MAPK8IP3: variants seen among roughly 807,000 people sequenced by gnomAD.
MAPK8IP3 encodes mitogen-activated protein kinase 8 interacting protein 3, also known as C-Jun-amino-terminal kinase-interacting protein 3.
A neutral mutation model predicts 157.8 loss-of-function variants in MAPK8IP3; 49 were observed. That is an observed-to-expected ratio of 0.31 (90% CI 0.25 to 0.39). The LOEUF is 0.39. Ranked by LOEUF, MAPK8IP3 falls within the 10% of genes least tolerant of loss-of-function variation. MAPK8IP3 has a pLI of 1.00. For synonymous variants in MAPK8IP3, 897 were observed against 777.7 expected (o/e 1.15, Z -2.55); for missense variants, 1,478 against 1,889.4 (o/e 0.78, Z 4.04).
At chr16:1,761,142 T>A in intron 12 of MAPK8IP3, 82 bp from the exon 13 acceptor site, 5 of 1,100,116 alleles carry the variant, frequency 4.5e-6, no homozygotes, top group South Asian at 2.5e-5. Flanking sequence ...AGGACACAGG[T>A]TCGGGGCGGG....
At chr16:1,736,071 C>T (rs1400366543) in intron 4 of MAPK8IP3, among the ~76,000 whole-genome samples, 1 of 93,556 alleles carries the variant, frequency 1.1e-5, no homozygotes, top group African/African-American at 4.8e-5. Flanking sequence ...TGTGTGTGAC[C>T]ATCCGTGTGA....
chr16:1,768,891 C>T lies in MAPK8IP3; in HGVS notation c.*67C>T, dbSNP rs1795367947. The T allele has an allele frequency of 5.7e-6, 9 of 1,574,716 alleles. No individual in the cohort carries two copies. Among genetic ancestry groups the T allele is most frequent in the Admixed American group, 3.4e-5 (2 of 57,976 alleles). On this transcript the variant is annotated 3_prime_UTR_variant, in exon 32 of 32. Coordinates refer to ENST00000610761, the MANE Select transcript of MAPK8IP3 (RefSeq NM_001318852.2). The stretch of plus-strand genomic sequence containing the variant: ...GACCACCTGACCCCCGCCCGGCCCG[C>T]GGGGTAGCCAGCCAGGCGCCGCCGC...
chr16:1,748,419 T>C, intron 7 of MAPK8IP3, 73 bp downstream of exon 7: 2 of 1,334,706 alleles, frequency 1.5e-6, no homozygotes, highest in Non-Finnish European at 2.1e-6. Flanking sequence ...TGGTGAAGTC[T>C]TCCTCTGCCA....
rs368939432 is a variant in MAPK8IP3, at chr16:1,766,683, C to T, written c.2939+35C>T. The T allele has an allele frequency of 2.0e-3, 3,264 of 1,612,568 alleles. 7 individuals carry two copies. Among genetic ancestry groups the T allele is most frequent in the Non-Finnish European group, 2.5e-3 (2,950 of 1,179,890 alleles). ...GCCCGGGGCAAGGTGGAGGGAGGGT[C>T]CTGGGTGAGCCCCTCGCCCATCGCC... On this transcript the variant is annotated intron_variant, in intron 23 of 31. Transcript: ENST00000610761.
At chr16:1,714,685 C>G (rs1174113491) in intron 1 of MAPK8IP3, among the ~76,000 whole-genome samples, 2 of 152,168 alleles carry the variant, frequency 1.3e-5, no homozygotes, top group African/African-American at 4.8e-5. Context: ...CAGATATACG[C>G]ACAGTCCCAG....
rs557249601 is a variant in MAPK8IP3, at chr16:1,736,786, G to T, written c.603-6546G>T. ...TGTGACCGTCTGTGTGACCATCCGT[G>T]TGTGACCGTCCGTGTGAGCGTGTGA... On this transcript the variant is annotated intron_variant, in intron 4 of 31. Coordinates refer to ENST00000610761, the MANE Select transcript of MAPK8IP3 (RefSeq NM_001318852.2). Among the ~76,000 whole-genome samples the T allele has an allele frequency of 6.4e-5, 5 of 77,686 alleles. No individual in the cohort carries two copies. In the South Asian group the frequency reaches 3.5e-3, roughly 55 times the overall value. 51.0% of individuals were successfully genotyped at this position (77,686 alleles called of 152,430 possible).
At chr16:1,765,246 C>T (rs1567208130) in intron 20 of MAPK8IP3, 68 bp downstream of exon 20, 3 of 1,498,060 alleles carry the variant, frequency 2.0e-6, no homozygotes, top group Non-Finnish European at 1.8e-6. Context: ...AAGTAAAAGC[C>T]CTGCCACACA....
At position 1,741,607 on chromosome 16, in the gene MAPK8IP3, G is replaced by T. The variant is rs918414315; in HGVS notation, c.603-1725G>T. Among the ~76,000 whole-genome samples, 1 of 152,132 alleles carries T rather than the reference G, an allele frequency of 6.6e-6. No individual in the cohort carries two copies. The highest frequency in any genetic ancestry group is 6.5e-5 in the Admixed American group (1 of 15,284). ...CAGCAGAGGCGCTCCCCGCACCAGC[G>T]TTGGGAGCGCAGTGGAAGTGGGGCC... On this transcript the variant is annotated intron_variant, in intron 4 of 31. Coordinates refer to ENST00000610761, the MANE Select transcript of MAPK8IP3 (RefSeq NM_001318852.2). This position sits in a 1 kb window ranked among gnomAD's most constrained non-coding sequence, Gnocchi z 6.9.
At chr16:1,764,980 G>T (rs369200116) in intron 19 of MAPK8IP3, 33 bp from the exon 20 acceptor site, 1 of 1,581,508 alleles carries the variant, frequency 6.3e-7, no homozygotes, top group African/African-American at 1.3e-5. Flanking sequence ...CCTCAAGCTC[G>T]GGCTCTGACC....
chr16:1,756,712 C>T (rs1596746154), intron 8 of MAPK8IP3, among the ~76,000 whole-genome samples: 1 of 151,668 alleles, frequency 6.6e-6, no homozygotes, highest in Non-Finnish European at 1.5e-5. Context: ...GACTCAGCTA[C>T]TCAGGAGGCT....
rs569635318 is a variant in MAPK8IP3 at position 1,766,534 on chromosome 16, A to G, written c.2825A>G (p.Asn942Ser). Residue 942 changes from asparagine to serine, a missense_variant, in exon 23 of 32, where the codon AAC becomes AGC. Coordinates refer to ENST00000610761, the MANE Select transcript of MAPK8IP3 (RefSeq NM_001318852.2). ...PSSGPQPGSENGPEPDSSSTR... is the reference protein window; with the variant it reads ...PSSGPQPGSESGPEPDSSSTR... Reference sequence around the variant, plus strand: ...AGCCACCGTTCTTCCTGCAGCGAGAACGGGCCAGAGCCTGACAGCAGCAGC... The same window carrying G: ...AGCCACCGTTCTTCCTGCAGCGAGAGCGGGCCAGAGCCTGACAGCAGCAGC... 2 of 1,611,564 alleles carry G rather than the reference A, an allele frequency of 1.2e-6. No individual in the cohort carries two copies. Among genetic ancestry groups the G allele is most frequent in the Non-Finnish European group, 1.7e-6 (2 of 1,179,802 alleles).
At position 1,768,710 on chromosome 16, in the gene MAPK8IP3, A is replaced by T; in HGVS notation, c.3900A>T (p.Gly1300=). ...EGYIDFRIGD[G]EDDETEEGAG... is the part of the protein sequence containing the mutation. ...CTGCTGCTTTGCCCGCAGGAGACGG[A>T]GAGGACGACGAGACGGAGGAGGGCG... Residue 1300 remains glycine, a synonymous_variant, in exon 32 of 32, where the codon GGA becomes GGT. Coordinates refer to ENST00000610761, the MANE Select transcript of MAPK8IP3 (RefSeq NM_001318852.2). The T allele has an allele frequency of 6.2e-7, 1 of 1,611,876 alleles. No homozygotes were observed. Among genetic ancestry groups the T allele is most frequent in the Non-Finnish European group, 8.5e-7 (1 of 1,179,280 alleles).
At chr16:1,708,336 C>T (rs1220044093) in intron 1 of MAPK8IP3, among the ~76,000 whole-genome samples, 3 of 152,252 alleles carry the variant, frequency 2.0e-5, no homozygotes, top group Non-Finnish European at 4.4e-5. Flanking sequence ...CCTCGCTCAG[C>T]TGTGGAGCTG....
intron 4 of MAPK8IP3, among the ~76,000 whole-genome samples, chr16:1,731,260 C>T (rs890147393): frequency 2.0e-5 from 3 of 152,112 alleles, no homozygotes; most frequent in South Asian, 2.1e-4. Flanking sequence ...ACCCCAGGGG[C>T]GGAGGTGGCA....
At chr16:1,733,383 C>G (rs2039441949) in intron 4 of MAPK8IP3, among the ~76,000 whole-genome samples, 1 of 152,220 alleles carries the variant, frequency 6.6e-6, no homozygotes, top group Admixed American at 6.5e-5. Context: ...CCGAGAGGTC[C>G]TGAGAGCCCC....
rs186479135 is a variant in MAPK8IP3, at chr16:1,758,330, G to A, written c.1228+171G>A. Among the ~76,000 whole-genome samples, 598 of 152,290 alleles carry A rather than the reference G, an allele frequency of 3.9e-3. 3 individuals carry two copies. The highest frequency in any genetic ancestry group is 0.014 in the African/African-American group (564 of 41,574). On this transcript the variant is annotated intron_variant, in intron 9 of 31. Coordinates refer to ENST00000610761, the MANE Select transcript of MAPK8IP3 (RefSeq NM_001318852.2). Reference sequence around the variant, plus strand: ...CGCCGCTCGGAAGCTTGTTCGGTTTGCTCCACCAGCCACTTGACAATGACC... The same window carrying A: ...CGCCGCTCGGAAGCTTGTTCGGTTTACTCCACCAGCCACTTGACAATGACC...
chr16:1,735,593 G>A (rs1457085630), intron 4 of MAPK8IP3, among the ~76,000 whole-genome samples: 1 of 141,304 alleles, frequency 7.1e-6, no homozygotes, highest in Non-Finnish European at 1.5e-5. Flanking sequence ...GACCATCCGT[G>A]TGAGCATCCG....
chr16:1,733,926 C>T (rs2039481740), intron 4 of MAPK8IP3, among the ~76,000 whole-genome samples: 1 of 152,250 alleles, frequency 6.6e-6, no homozygotes, highest in Non-Finnish European at 1.5e-5. Flanking sequence ...CACACAGGAC[C>T]TTTGGCACCG....
In MAPK8IP3 at chr16:1,706,644, G is replaced by A. The variant is rs762734408; in HGVS notation, c.305G>A (p.Arg102Lys). 3 of 1,554,358 alleles carry A rather than the reference G, an allele frequency of 1.9e-6. No homozygotes were observed. The highest frequency in any genetic ancestry group is 3.9e-5 in the Admixed American group (2 of 51,850). ...TACGAGCGTGAGAAGGCGCTGCGCA[G>A]GCAGGCGGAGGAGGTGCGTGGGCCG... ...TQYEREKALR[R>K]QAEEKFIEFE... Residue 102 changes from arginine (R) to lysine (K), a missense_variant, in exon 1 of 32, where the codon AGG (arginine) becomes AAG (lysine). Physicochemically the swap from Arg to Lys is conservative, Grantham distance 26. This residue lies in a region of MAPK8IP3 where 65 missense variants were observed against 161.8 expected (regional missense o/e 0.40). Transcript: ENST00000610761. The surrounding 1 kb of genome is among the most constrained non-coding windows in gnomAD (Gnocchi z 5.1).
Sources: allele counts gnomAD v4.1 joint callset (sites outside exome capture counted in the v4.1 genomes callset), GRCh38; gene constraint gnomAD v4.1.1; regional missense constraint gnomAD v4.1.1; non-coding constraint Gnocchi (gnomAD v3.1); transcripts MANE v1.5; gene names NCBI Gene and HGNC (gene_info 2026-07-23, HGNC 2026-07-21).